The following PDE10A variants were observed in gnomAD, a reference collection of about 807,000 sequenced individuals.
PDE10A encodes phosphodiesterase 10A.
A neutral mutation model predicts 97.7 loss-of-function variants in PDE10A; 39 were observed. The ratio of observed to expected loss-of-function variants is 0.40; its 90% CI spans 0.31 to 0.52. The LOEUF is 0.52. PDE10A is among the 20% of genes least tolerant of loss of function. The pLI is 0.56. For missense variants in PDE10A, 731 were observed against 1,047.8 expected (o/e 0.70, Z 4.17); for synonymous variants, 371 against 376.8 (o/e 0.98, Z 0.18).
At chr6:165,952,398 T>C (rs1422919710) in intron 1 of PDE10A, among the ~76,000 whole-genome samples, 1 of 152,188 alleles carries the variant, frequency 6.6e-6, no homozygotes, top group Non-Finnish European at 1.5e-5. Context: ...AACCTGATAA[T>C]GAAGCCACAA....
At chr6:165,626,565 G>A (rs544164316) in intron 1 of PDE10A, among the ~76,000 whole-genome samples, 2 of 152,180 alleles carry the variant, frequency 1.3e-5, no homozygotes, top group Admixed American at 6.5e-5. Flanking sequence ...ATTTCTTCTC[G>A]ACAGAAAACA....
chr6:165,467,640 C>G (rs1191315159), intron 3 of PDE10A, among the ~76,000 whole-genome samples: 1 of 152,160 alleles, frequency 6.6e-6, no homozygotes, highest in African/African-American at 2.4e-5. Flanking sequence ...AAAAAAAATT[C>G]CTTTCAAAAT....
At chr6:165,862,992 T>C (rs1213304974) in intron 1 of PDE10A, among the ~76,000 whole-genome samples, 1 of 152,262 alleles carries the variant, frequency 6.6e-6, no homozygotes, top group Admixed American at 6.5e-5. Context: ...GTTGTACATA[T>C]TTTAACTTTG....
chr6:165,852,394 T>C (rs1415554734), intron 1 of PDE10A, among the ~76,000 whole-genome samples: 1 of 152,250 alleles, frequency 6.6e-6, no homozygotes, highest in African/African-American at 2.4e-5. Context: ...TCAGGCCTGA[T>C]GGTTGGCCTT....
chr6:165,908,876 C>T (rs1410756012), intron 1 of PDE10A: 1 of 152,218 alleles, frequency 6.6e-6, no homozygotes, highest in African/African-American at 2.4e-5. Context: ...TGCCGTCTTC[C>T]TCCACCCACC....
At chr6:165,458,273 T>A in intron 3 of PDE10A, among the ~76,000 whole-genome samples, 1 of 152,144 alleles carries the variant, frequency 6.6e-6, no homozygotes, top group Non-Finnish European at 1.5e-5. Flanking sequence ...TGTCTCCCCC[T>A]AAAATTCCTA....
At chr6:165,557,796 G>A (rs1398104698) in intron 1 of PDE10A, among the ~76,000 whole-genome samples, 1 of 152,126 alleles carries the variant, frequency 6.6e-6, no homozygotes, top group Non-Finnish European at 1.5e-5. Context: ...GTCAGGCATT[G>A]TATTTTGTTT....
chr6:165,584,172 A>G (rs1006684180), intron 1 of PDE10A, among the ~76,000 whole-genome samples: 1 of 152,194 alleles, frequency 6.6e-6, no homozygotes, highest in East Asian at 1.9e-4. Context: ...GGCAGCCCTC[A>G]TGGAGAAAAG....
At chr6:165,483,550 G>C (rs985970000) in intron 2 of PDE10A, among the ~76,000 whole-genome samples, 2 of 152,166 alleles carry the variant, frequency 1.3e-5, no homozygotes, top group African/African-American at 2.4e-5. Context: ...CTGAAGATGA[G>C]ACTATTTAAT....
At chr6:165,961,368 C>T (rs1381232254) in intron 1 of PDE10A, among the ~76,000 whole-genome samples, 66 of 152,192 alleles carry the variant, frequency 4.3e-4, no homozygotes, top group Admixed American at 4.3e-3. Flanking sequence ...TCCTACAGTC[C>T]TGTCCTACTT....
intron 1 of PDE10A, among the ~76,000 whole-genome samples, chr6:165,597,998 T>C (rs995885129): frequency 6.6e-6 from 1 of 152,186 alleles, no homozygotes; most frequent in African/African-American, 2.4e-5. Context: ...AGAGCTCCAC[T>C]AGCACAGGTC....
chr6:165,679,856 T>G (rs1790928161), intron 1 of PDE10A, among the ~76,000 whole-genome samples: 1 of 152,132 alleles, frequency 6.6e-6, no homozygotes, highest in African/African-American at 2.4e-5. Context: ...ATGGATACTG[T>G]GGGTCCCCAT....
At chr6:165,785,954 T>C (rs2128462621) in intron 1 of PDE10A, among the ~76,000 whole-genome samples, 1 of 152,362 alleles carries the variant, frequency 6.6e-6, no homozygotes, top group Admixed American at 6.5e-5. Context: ...ATGTTTATAC[T>C]TCCGTAATTT....
chr6:165,603,751 G>A (rs1482630744), intron 1 of PDE10A, among the ~76,000 whole-genome samples: 1 of 152,216 alleles, frequency 6.6e-6, no homozygotes, highest in Admixed American at 6.5e-5. Context: ...GAGAAAGGGG[G>A]CAAGTTCAAT....
At chr6:165,584,334 C>T (rs1221412165) in intron 1 of PDE10A, among the ~76,000 whole-genome samples, 3 of 152,166 alleles carry the variant, frequency 2.0e-5, no homozygotes, top group East Asian at 1.9e-4. Flanking sequence ...TCCATTCAGC[C>T]GCCTTCTTAC....
intron 1 of PDE10A, among the ~76,000 whole-genome samples, chr6:165,629,552 G>A (rs1645980249): frequency 7.6e-6 from 1 of 132,284 alleles, no homozygotes. Flanking sequence ...TTAAAACAGG[G>A]TCTCACTTTG....
At chr6:165,646,104 C>T (rs994207422) in intron 1 of PDE10A, among the ~76,000 whole-genome samples, 2 of 152,274 alleles carry the variant, frequency 1.3e-5, no homozygotes. Flanking sequence ...GGGAACAGTT[C>T]CACGGCAGCA....
intron 1 of PDE10A, among the ~76,000 whole-genome samples, chr6:165,606,116 T>A (rs2128398496): frequency 6.9e-6 from 1 of 144,786 alleles, no homozygotes; most frequent in South Asian, 2.2e-4. Flanking sequence ...AGTCACACAG[T>A]CTGACCTTGA....
rs1044631677 is a variant in PDE10A, at chr6:165,671,375, C to T, written c.-614-127807G>A. On this transcript the variant is annotated intron_variant, in intron 1 of 19. Coordinates refer to the PDE10A transcript ENST00000366882. The surrounding 1 kb of genome is among the most constrained non-coding windows in gnomAD (Gnocchi z 4.6). ...AGTGATCACAGAGTGAGCATAACCCCTGAAGAGCCCGAATTCAGCCCAGGT... is the reference window on the plus strand; with the variant it reads ...AGTGATCACAGAGTGAGCATAACCCTTGAAGAGCCCGAATTCAGCCCAGGT... 6.6e-6 allele frequency among the ~76,000 whole-genome samples: 1 copy of T among 152,106 alleles called. No homozygotes were observed. Among genetic ancestry groups the T allele is most frequent in the Non-Finnish European group, 1.5e-5 (1 of 68,018 alleles).
Sources: allele counts gnomAD v4.1 joint callset (sites outside exome capture counted in the v4.1 genomes callset), GRCh38; gene constraint gnomAD v4.1.1; non-coding constraint Gnocchi (gnomAD v3.1); transcripts MANE v1.5; gene names NCBI Gene and HGNC (gene_info 2026-07-23, HGNC 2026-07-21).